The following POFUT1 variants were observed in gnomAD, a reference collection of about 807,000 sequenced individuals.
POFUT1 encodes GDP-fucose protein O-fucosyltransferase 1.
POFUT1 carries 16 observed loss-of-function variants against 42.4 expected under a neutral mutation model. The ratio of observed to expected loss-of-function variants is 0.38; its 90% confidence interval spans 0.26 to 0.57. The LOEUF (loss-of-function observed/expected upper bound fraction) is 0.57. POFUT1 is among the 20% of genes least tolerant of loss of function. The pLI is 0.71. For synonymous variants in POFUT1, 206 were observed against 205.4 expected (o/e 1.00, Z -0.03); for missense variants, 470 against 504.6 (o/e 0.93, Z 0.66).
rs557522733 is a variant in POFUT1, at chr20:32,227,629, A to G, written c.543-634A>G. ...CACTGCCTTCCCACAGCAAGGACAG[A>G]GGTGAAATAATTATGAGATGGACTG... On this transcript the variant is annotated intron_variant, in intron 4 of 6. Coordinates refer to ENST00000375749, the MANE Select transcript of POFUT1 (RefSeq NM_015352.2). 3.3e-5 allele frequency among the ~76,000 whole-genome samples: 5 copies of G among 152,316 alleles called. No individual in the cohort carries two copies. The South Asian group carries it at 1.0e-3, about 32-fold the overall frequency.
In POFUT1 at chr20:32,236,959, T is replaced by G. The variant is rs1236063961; in HGVS notation, c.*2298T>G. 6.6e-6 allele frequency: 1 copy of G among 152,206 alleles called. No homozygotes were observed. Among genetic ancestry groups the G allele is most frequent in the Non-Finnish European group, 1.5e-5 (1 of 68,052 alleles). 9.4% of individuals were successfully genotyped at this position (152,206 alleles called of 1,614,324 possible). On this transcript the variant is annotated 3_prime_UTR_variant, in exon 7 of 7. Transcript: ENST00000375749. ...CCAGAATTTGACCTCCCAGAGCCAG[T>G]TTCCATTAGCTGCCATGCTCTGCTG...
At chr20:32,217,761 C>G (rs1174709092) in intron 4 of POFUT1, 3 of 982,852 alleles carry the variant, frequency 3.1e-6, no homozygotes, top group Non-Finnish European at 3.6e-6. Flanking sequence ...TTATTTAAGA[C>G]TTTGAGATAG....
chr20:32,226,606 A>G (rs894161184), intron 4 of POFUT1, among the ~76,000 whole-genome samples: 2 of 152,104 alleles, frequency 1.3e-5, no homozygotes, highest in African/African-American at 4.8e-5. Flanking sequence ...CCCTAAACAT[A>G]TACACCCCAT....
intron 2 of POFUT1, among the ~76,000 whole-genome samples, chr20:32,210,956 A>T (rs996195170): frequency 1.3e-5 from 2 of 152,246 alleles, no homozygotes; most frequent in African/African-American, 4.8e-5. Flanking sequence ...TTTCCTTTGC[A>T]TGCCAGTATT....
At chr20:32,226,930 C>T (rs143700283) in intron 4 of POFUT1, among the ~76,000 whole-genome samples, 102 of 152,230 alleles carry the variant, frequency 6.7e-4, no homozygotes, top group African/African-American at 2.4e-3. Context: ...CTTGTGTGAA[C>T]ATAAGTTTTC....
intron 2 of POFUT1, among the ~76,000 whole-genome samples, chr20:32,213,360 G>A (rs1050790033): frequency 3.3e-5 from 5 of 151,596 alleles, no homozygotes; most frequent in Non-Finnish European, 7.4e-5. Context: ...GGAGGCTGAG[G>A]CAGAAGAATC....
At position 32,212,189 on chromosome 20, in the gene POFUT1, T is replaced by C. The variant is rs555142765; in HGVS notation, c.246+1997T>C. Reference sequence around the variant, plus strand: ...TTTGCTATAAATATCTGTTGACTCCTGTGGCTTTTACTCTTCTCCGTGTAC... The same window carrying C: ...TTTGCTATAAATATCTGTTGACTCCCGTGGCTTTTACTCTTCTCCGTGTAC... On this transcript the variant is annotated intron_variant, in intron 2 of 6. Transcript: ENST00000375749. Among the ~76,000 whole-genome samples, 6 of 152,370 alleles carry C rather than the reference T, an allele frequency of 3.9e-5. No homozygotes were observed. In the South Asian group the frequency reaches 1.2e-3, roughly 32 times the overall value.
At chr20:32,211,269 C>T (rs564522748) in intron 2 of POFUT1, among the ~76,000 whole-genome samples, 3 of 132,704 alleles carry the variant, frequency 2.3e-5, no homozygotes, top group Admixed American at 7.9e-5. Context: ...CTGATAATTT[C>T]GCACTCACTA....
chr20:32,227,018 GA>G (rs2047417839), intron 4 of POFUT1, among the ~76,000 whole-genome samples: 1 of 152,180 alleles, frequency 6.6e-6, no homozygotes, highest in Admixed American at 6.5e-5. Context: ...CTGTTTTCCA[GA>G]ATGGCTGTTC....
chr20:32,230,016 T>C (rs6058569), intron 5 of POFUT1, among the ~76,000 whole-genome samples: 105,154 of 151,962 alleles, frequency 0.69, 38,588 homozygotes, highest in East Asian at 0.99. Flanking sequence ...GAGCTCAAGC[T>C]ATCAGCCTGC....
intron 4 of POFUT1, among the ~76,000 whole-genome samples, chr20:32,224,442 C>T (rs1482978026): frequency 1.3e-5 from 2 of 152,090 alleles, no homozygotes; most frequent in African/African-American, 2.4e-5. Flanking sequence ...TGTCGCACAG[C>T]TGGACCATCA....
intron 6 of POFUT1, among the ~76,000 whole-genome samples, chr20:32,232,842 C>A (rs2047450146): frequency 6.6e-6 from 1 of 152,186 alleles, no homozygotes; most frequent in Non-Finnish European, 1.5e-5. Context: ...CAACTCCCTT[C>A]TCCATGGGTT....
Position 32,230,850 on chromosome 20 carries a change from C to A in POFUT1, c.767C>A (p.Thr256Asn), listed in dbSNP as rs756559826. Residue 256 changes from threonine to asparagine, a missense_variant, in exon 6 of 7, where the codon ACT (threonine) becomes AAT (asparagine). Physicochemically the swap from Thr to Asn is moderately conservative, Grantham distance 65. Coordinates refer to ENST00000375749, the MANE Select transcript of POFUT1 (RefSeq NM_015352.2). Reference sequence around the variant, plus strand: ...GCCTGTGCCATGCTGAAGGACGGGACTGCAGGCTCGCACTTCATGGCCTCT... The same window carrying A: ...GCCTGTGCCATGCTGAAGGACGGGAATGCAGGCTCGCACTTCATGGCCTCT... The part of the protein sequence containing the change: ...KNACAMLKDG[T>N]AGSHFMASPQ... The A allele has an allele frequency of 1.9e-6, 3 of 1,614,094 alleles. No homozygotes were observed. The South Asian group carries it at 3.3e-5, about 18-fold the overall frequency.
rs2047461268 is a variant in POFUT1, at chr20:32,234,756, T to G, written c.*95T>G. On this transcript the variant is annotated 3_prime_UTR_variant, in exon 7 of 7. Transcript: ENST00000375749. ...CTGGCAGCCAGAGGTGCTCCGGGAT[T>G]GCAAACTCCTCTTCTCACCTGCCAA... 4 of 1,102,616 alleles carry G rather than the reference T, an allele frequency of 3.6e-6. No individual in the cohort carries two copies. The highest frequency in any genetic ancestry group is 5.2e-6 in the Non-Finnish European group (4 of 772,070). The allele number at this position is 1,102,616 out of a possible 1,614,324, so 68.3% of individuals were successfully genotyped here. A position where few individuals can be genotyped will look rare whatever the true frequency, so the allele number is the denominator to read the frequency against.
Position 32,237,967 on chromosome 20 carries a change from T to C in POFUT1, c.*3306T>C. ...TTTACATAGTTTTAATCATGTAATA[T>C]ATACAATTTAATGTCCTAGTGTTTT... On this transcript the variant is annotated 3_prime_UTR_variant, in exon 7 of 7. Transcript: ENST00000375749. 1 of 386,584 alleles carries C rather than the reference T, an allele frequency of 2.6e-6. No homozygotes were observed. Among genetic ancestry groups the C allele is most frequent in the Non-Finnish European group, 5.2e-6 (1 of 194,060 alleles). 23.9% of individuals were successfully genotyped at this position (386,584 alleles called of 1,614,324 possible).
At chr20:32,229,678 A>G (rs1216458407) in intron 5 of POFUT1, among the ~76,000 whole-genome samples, 1 of 152,216 alleles carries the variant, frequency 6.6e-6, no homozygotes, top group Non-Finnish European at 1.5e-5. Context: ...CAGATAATGC[A>G]GTAAGACCAA....
At position 32,230,902 on chromosome 20, in the gene POFUT1, C is replaced by T; in HGVS notation, c.819C>T (p.Ser273=). The part of the protein sequence containing the change: ...ASPQCVGYSR[S]TAAPLTMTMC... ...CGCAGTGTGTGGGCTACAGCCGCAG[C>T]ACAGCGGCCCCCCTCACGATGACTA... Residue 273 remains serine (S), a synonymous_variant, in exon 6 of 7, where the codon AGC becomes AGT. Transcript: ENST00000375749. 6.2e-7 allele frequency: 1 copy of T among 1,614,208 alleles called. No individual in the cohort carries two copies. Among genetic ancestry groups the T allele is most frequent in the East Asian group, 2.2e-5 (1 of 44,878 alleles).
chr20:32,228,515 G>C, intron 5 of POFUT1, 60 bp downstream of exon 5: 2 of 1,474,500 alleles, frequency 1.4e-6, no homozygotes, highest in South Asian at 2.5e-5. Context: ...CATGGCCCTG[G>C]CCTGTAGGGA....
At chr20:32,230,190 A>T (rs2047435096) in intron 5 of POFUT1, among the ~76,000 whole-genome samples, 1 of 151,760 alleles carries the variant, frequency 6.6e-6, no homozygotes, top group African/African-American at 2.4e-5. Flanking sequence ...GATCAAGACC[A>T]TCCTGGCTAA....
Sources: allele counts gnomAD v4.1 joint callset (sites outside exome capture counted in the v4.1 genomes callset), GRCh38; gene constraint gnomAD v4.1.1; transcripts MANE v1.5; gene names NCBI Gene and HGNC (gene_info 2026-07-23, HGNC 2026-07-21).